PRKCH: variants seen among roughly 807,000 people sequenced by gnomAD.
The protein encoded by PRKCH is protein kinase C eta.
PRKCH carries 28 observed loss-of-function variants against 82.5 expected under a neutral mutation model. That is an observed-to-expected ratio of 0.34 (90% CI 0.25 to 0.47). PRKCH has a LOEUF of 0.47. PRKCH is among the 20% of genes least tolerant of loss of function. PRKCH has a pLI of 1.00. For synonymous variants in PRKCH, 322 were observed against 327.4 expected, an observed-to-expected ratio of 0.98 and a Z score of 0.18; for missense variants, 705 against 881.8, an observed-to-expected ratio of 0.80 and a Z score of 2.54.
At chr14:61,445,558 C>T in intron 3 of PRKCH, 134 bp from the exon 4 acceptor site, 1 of 803,208 alleles carries the variant, frequency 1.2e-6, no homozygotes, top group Non-Finnish European at 2.1e-6. Flanking sequence ...GCTCAGAAAG[C>T]ACATGATCTT....
chr14:61,516,076 G>C (rs2042824173), intron 10 of PRKCH, among the ~76,000 whole-genome samples: 1 of 152,282 alleles, frequency 6.6e-6, no homozygotes, highest in Non-Finnish European at 1.5e-5. Context: ...AGGCTCTAAA[G>C]TCTGTGCCCG....
intron 1 of PRKCH, among the ~76,000 whole-genome samples, chr14:61,328,007 T>C (rs2045721755): frequency 6.6e-6 from 1 of 151,584 alleles, no homozygotes; most frequent in South Asian, 2.1e-4. Flanking sequence ...TCCCAGCACT[T>C]TGGGAGGCCG....
intron 12 of PRKCH, among the ~76,000 whole-genome samples, chr14:61,537,098 T>C (rs1034919781): frequency 1.3e-5 from 2 of 152,152 alleles, no homozygotes; most frequent in Non-Finnish European, 2.9e-5. Context: ...AAAAGTAACT[T>C]TATATGCACC....
intron 1 of PRKCH, among the ~76,000 whole-genome samples, chr14:61,194,053 CTCCTT>C (rs1157019581): frequency 6.6e-6 from 1 of 152,106 alleles, no homozygotes; most frequent in East Asian, 1.9e-4. Context: ...CCCTCTTTCT[CTCCTT>C]TCTTGTCTTC....
intron 2 of PRKCH, among the ~76,000 whole-genome samples, chr14:61,412,403 C>T (rs1882314006): frequency 6.6e-6 from 1 of 152,146 alleles, no homozygotes. Context: ...TTTTCTATGA[C>T]TCCATCCTTA....
chr14:61,345,410 G>A (rs2045979495), intron 1 of PRKCH, among the ~76,000 whole-genome samples: 1 of 152,172 alleles, frequency 6.6e-6, no homozygotes, highest in Admixed American at 6.5e-5. Context: ...CCATCCAGAG[G>A]CTTTAACTTT....
At chr14:61,396,352 C>G (rs945320333) in intron 2 of PRKCH, among the ~76,000 whole-genome samples, 2 of 152,072 alleles carry the variant, frequency 1.3e-5, no homozygotes, top group Admixed American at 1.3e-4. Flanking sequence ...ATTAATTATA[C>G]TGAATTAGCT....
chr14:61,335,608 G>A (rs2045846941), intron 1 of PRKCH, among the ~76,000 whole-genome samples: 1 of 152,128 alleles, frequency 6.6e-6, no homozygotes, highest in South Asian at 2.1e-4. Flanking sequence ...GCCAAAACTA[G>A]ATATAATTGA....
intron 12 of PRKCH, among the ~76,000 whole-genome samples, chr14:61,539,296 G>C: frequency 6.6e-6 from 1 of 152,294 alleles, no homozygotes; most frequent in South Asian, 2.1e-4. Context: ...AAGGAATTGA[G>C]TATGTGCTTA....
intron 1 of PRKCH, among the ~76,000 whole-genome samples, chr14:61,289,321 T>G (rs1454805741): frequency 6.6e-6 from 1 of 152,194 alleles, no homozygotes; most frequent in African/African-American, 2.4e-5. Flanking sequence ...GTGAACATAG[T>G]AGCCATCTTC....
At chr14:61,308,020 G>C (rs892645849) in intron 1 of PRKCH, among the ~76,000 whole-genome samples, 26 of 151,802 alleles carry the variant, frequency 1.7e-4, no homozygotes, top group African/African-American at 5.3e-4. Context: ...ATTTTTTTTT[G>C]TAGAGATGGG....
intron 1 of PRKCH, among the ~76,000 whole-genome samples, chr14:61,342,751 T>A (rs1426952654): frequency 1.3e-5 from 2 of 152,210 alleles, no homozygotes; most frequent in Non-Finnish European, 2.9e-5. Context: ...TTTTCCAGTG[T>A]GTTCTGGTCT....
rs2046826456 is a variant in PRKCH, at chr14:61,399,026, A to T, written c.427+7738A>T. Among the ~76,000 whole-genome samples, 3 of 152,222 alleles carry T rather than the reference A, an allele frequency of 2.0e-5. No homozygotes were observed. In the South Asian group the frequency reaches 6.2e-4, roughly 31 times the overall value. On this transcript the variant is annotated intron_variant, in intron 2 of 13. Transcript: ENST00000332981. ...TAGGTGTGATTGTGGTATTGTGGTT[A>T]CTTAAAACAAAAAGAACATCCATTA...
chr14:61,430,847 C>T (rs925825954), intron 2 of PRKCH, among the ~76,000 whole-genome samples: 7 of 152,070 alleles, frequency 4.6e-5, no homozygotes, highest in Admixed American at 2.6e-4. Flanking sequence ...CGCTGCCTCC[C>T]GGGTTCAAGC....
intron 1 of PRKCH, among the ~76,000 whole-genome samples, chr14:61,274,365 C>T (rs2045184521): frequency 6.6e-6 from 1 of 152,154 alleles, no homozygotes; most frequent in Non-Finnish European, 1.5e-5. Flanking sequence ...TTTACTTTCT[C>T]CTGTAGGCTG....
At chr14:61,399,541 T>C (rs575305288) in intron 2 of PRKCH, among the ~76,000 whole-genome samples, 2 of 152,328 alleles carry the variant, frequency 1.3e-5, no homozygotes, top group Admixed American at 1.3e-4. Context: ...AGTCAAAAAC[T>C]GCAGGTAGGA....
At chr14:61,297,995 A>G (rs2045418126) in intron 1 of PRKCH, among the ~76,000 whole-genome samples, 2 of 152,198 alleles carry the variant, frequency 1.3e-5, no homozygotes, top group South Asian at 4.1e-4. Flanking sequence ...TTTTACTCTC[A>G]TCTTTAATCA....
intron 1 of PRKCH, among the ~76,000 whole-genome samples, chr14:61,252,837 C>T (rs2044958250): frequency 6.6e-6 from 1 of 152,164 alleles, no homozygotes; most frequent in Non-Finnish European, 1.5e-5. Context: ...ATTCTTTTCT[C>T]CTTAGTCTCT....
chr14:61,401,191 T>C (rs557883749), intron 2 of PRKCH, among the ~76,000 whole-genome samples: 2 of 152,294 alleles, frequency 1.3e-5, no homozygotes, highest in East Asian at 1.9e-4. Context: ...TCTAGGCAGA[T>C]TGAGTTTAAG....
Sources: gnomAD v4.1 joint callset for allele counts (sites outside exome capture counted in the v4.1 genomes callset) on GRCh38, gnomAD v4.1.1 for gene constraint, MANE v1.5 for transcripts, NCBI Gene and HGNC (gene_info 2026-07-23, HGNC 2026-07-21) for gene names.